Variants in AIMP2 observed in about 807,000 individuals in gnomAD.
AIMP2 encodes the protein aminoacyl tRNA synthase complex-interacting multifunctional protein 2.
In AIMP2, 20 loss-of-function variants were observed where a neutral mutation model predicts 23.4. The ratio of observed to expected loss-of-function variants is 0.85; its 90% CI spans 0.60 to 1.24. The LOEUF (loss-of-function observed/expected upper bound fraction) is 1.24, where lower values mean the gene tolerates loss of function less well. AIMP2 is among the 50% of genes most tolerant of loss of function. The pLI, the probability that AIMP2 is intolerant of heterozygous loss-of-function variation, is 0.00. For missense variants in AIMP2, 515 were observed against 414.5 expected (o/e 1.24, Z -2.10); for synonymous variants, 210 against 170.4 (o/e 1.23, Z -1.81).
At chr7:6,011,991 G>A (rs941300450) in intron 1 of AIMP2, among the ~76,000 whole-genome samples, 2 of 152,158 alleles carry the variant, frequency 1.3e-5, no homozygotes, top group Non-Finnish European at 2.9e-5. Context: ...AGTGGCCCAC[G>A]TCTGTAATCC....
chr7:6,015,773 C>G (rs546302267), intron 2 of AIMP2, among the ~76,000 whole-genome samples: 6 of 152,230 alleles, frequency 3.9e-5, no homozygotes, highest in Non-Finnish European at 8.8e-5. Flanking sequence ...GAGCCAAGAG[C>G]ATGTTCATAT....
rs557391733 is a variant in AIMP2 at position 6,009,876 on chromosome 7, G to T, written c.135+378G>T. On this transcript the variant is annotated intron_variant, in intron 1 of 3. Transcript: ENST00000223029. ...AGGCAGGAGAATCGTTTGAACCCTG[G>T]AGGCGGAGTTTGCAGTGAGCTGAGA... Among the ~76,000 whole-genome samples, 16 of 145,680 alleles carry T rather than the reference G, an allele frequency of 1.1e-4. No homozygotes were observed. The South Asian group carries it at 3.5e-3, about 32-fold the overall frequency.
intron 3 of AIMP2, among the ~76,000 whole-genome samples, chr7:6,019,251 G>T (rs542024788): frequency 6.6e-6 from 1 of 150,950 alleles, no homozygotes; most frequent in Non-Finnish European, 1.5e-5. Flanking sequence ...AGGCCGAGGC[G>T]GGCAGATCAC....
chr7:6,021,338 CAAAAAAAAA>C (rs563523048), intron 3 of AIMP2, among the ~76,000 whole-genome samples: 47 of 65,960 alleles, frequency 7.1e-4, no homozygotes, highest in African/African-American at 2.2e-3. Flanking sequence ...GACTCCATCT[CAAAAAAAAA>C]AAAAAAAAAA....
rs1458102513 is a variant in AIMP2 at position 6,009,327 on chromosome 7, T to A, written c.-37T>A. On this transcript the variant is annotated 5_prime_UTR_variant, in exon 1 of 4. Coordinates refer to ENST00000223029, the MANE Select transcript of AIMP2 (RefSeq NM_006303.4). ...CTCTGACGGTTTCTGAGCGTTGGCC[T>A]TTGGCACGCGCTACCCCCTTTTGCT... The A allele has an allele frequency of 6.2e-7, 1 of 1,611,498 alleles. No individual in the cohort carries two copies. The highest frequency in any genetic ancestry group is 8.5e-7 in the Non-Finnish European group (1 of 1,179,956).
chr7:6,019,817 A>G (rs1787269651), intron 3 of AIMP2, among the ~76,000 whole-genome samples: 1 of 152,038 alleles, frequency 6.6e-6, no homozygotes, highest in Non-Finnish European at 1.5e-5. Context: ...AGGTTAAGAG[A>G]TCAAGATTAT....
rs961881056 is a variant in AIMP2, at chr7:6,015,283, C to T, written c.273C>T (p.Asn91=). 6.2e-7 allele frequency: 1 copy of T among 1,614,088 alleles called. No individual in the cohort carries two copies. Reference sequence around the variant, plus strand: ...CAGATGCAGACTTGGATGTAACCAACATAATCCAAGCGGATGAGCCCACGA... The same window carrying T: ...CAGATGCAGACTTGGATGTAACCAATATAATCCAAGCGGATGAGCCCACGA... ...QTPDADLDVT[N]IIQADEPTTL... is the part of the protein sequence containing the mutation. The change falls in exon 2 of 4, where the codon AAC becomes AAT. Residue 91 remains asparagine, a synonymous_variant. Transcript: ENST00000223029.
chr7:6,015,647 C>T (rs1005855975), intron 2 of AIMP2, among the ~76,000 whole-genome samples: 2 of 152,226 alleles, frequency 1.3e-5, no homozygotes, highest in Non-Finnish European at 2.9e-5. Flanking sequence ...TGGCATGAAC[C>T]CGGGCAGCAG....
At chr7:6,017,702 A>G in intron 2 of AIMP2, 112 bp from the exon 3 acceptor site, 1 of 885,702 alleles carries the variant, frequency 1.1e-6, no homozygotes, top group Non-Finnish European at 1.7e-6. Flanking sequence ...TGCCGTCTTC[A>G]TGGAAGTGGC....
Position 6,023,404 on chromosome 7 carries a change from A to C in AIMP2, c.676A>C (p.Asn226His), listed in dbSNP as rs1160411494. The C allele has an allele frequency of 6.2e-7, 1 of 1,614,126 alleles. No individual in the cohort carries two copies. The highest frequency in any genetic ancestry group is 2.2e-5 in the East Asian group (1 of 44,900). The change falls in exon 4 of 4, where the codon AAT (asparagine) becomes CAT (histidine). Residue 226 changes from asparagine (N) to histidine (H), a missense_variant. Coordinates refer to ENST00000223029, the MANE Select transcript of AIMP2 (RefSeq NM_006303.4). ...FLFSLFGQKH[N>H]AVNATLIDSW... ...GTTCTCTCTGTTTGGCCAGAAGCAT[A>C]ATGCTGTCAACGCAACCCTTATAGA... is the stretch of plus-strand genomic sequence containing the variant.
Position 6,018,968 on chromosome 7 carries a change from T to TACACACACACACACACACACACAC in AIMP2, c.574+946_574+947insCACACACACACACACACACACACA, listed in dbSNP as rs59354100. Among the ~76,000 whole-genome samples, 331 of 150,652 alleles carry TACACACACACACACACACACACAC rather than the reference T, an allele frequency of 2.2e-3. 2 individuals carry two copies. Among genetic ancestry groups the TACACACACACACACACACACACAC allele is most frequent in the Middle Eastern group, 0.01 (3 of 294 alleles). ...TAAAAAGTTAAAATGTATCAAACCT[T>TACACACACACACACACACACACAC]ACACACACACACACACACACACAAT... On this transcript the variant is annotated intron_variant, in intron 3 of 3. Coordinates refer to ENST00000223029, the MANE Select transcript of AIMP2 (RefSeq NM_006303.4).
rs767955463 is a variant in AIMP2 at position 6,017,899 on chromosome 7, G to C, written c.428G>C (p.Cys143Ser). Reference sequence around the variant, plus strand: ...CTGCTTGTGCTGCACAGGCTGCTCTGTGAGCACTTCAGGGTCCTGTCCACG... The same window carrying C: ...CTGCTTGTGCTGCACAGGCTGCTCTCTGAGCACTTCAGGGTCCTGTCCACG... The part of the protein sequence containing the change: ...LSLLVLHRLL[C>S]EHFRVLSTVH... Residue 143 changes from cysteine to serine, a missense_variant, in exon 3 of 4, where the codon TGT becomes TCT. Coordinates refer to ENST00000223029, the MANE Select transcript of AIMP2 (RefSeq NM_006303.4). 14 of 1,613,988 alleles carry C rather than the reference G, an allele frequency of 8.7e-6. No homozygotes were observed. In the South Asian group the frequency reaches 1.5e-4, roughly 18 times the overall value.
chr7:6,015,738 A>G (rs762854889), intron 2 of AIMP2, among the ~76,000 whole-genome samples: 1 of 152,186 alleles, frequency 6.6e-6, no homozygotes, highest in Admixed American at 6.5e-5. Flanking sequence ...CAAAAACAAA[A>G]CTAGCTTTCT....
chr7:6,013,048 C>T (rs2128876961), intron 1 of AIMP2: 2 of 846,142 alleles, frequency 2.4e-6, no homozygotes, highest in Non-Finnish European at 1.4e-6. Flanking sequence ...GGGAACAGCA[C>T]ATGTGAAGAT....
rs201388339 is a variant in AIMP2 at position 6,023,610 on chromosome 7, A to C, written c.882A>C (p.Thr294=). 8 of 1,614,192 alleles carry C rather than the reference A, an allele frequency of 5.0e-6. No homozygotes were observed. Among genetic ancestry groups the C allele is most frequent in the Non-Finnish European group, 6.8e-6 (8 of 1,180,026 alleles). ...VLQQIGGCSV[T]VPANVQRWMR... ...AGCAGATCGGAGGCTGCAGTGTGACAGTGCCAGCCAATGTGCAGAGGTGGA... is the reference window on the plus strand; with the variant it reads ...AGCAGATCGGAGGCTGCAGTGTGACCGTGCCAGCCAATGTGCAGAGGTGGA... The change falls in exon 4 of 4, where the codon ACA becomes ACC. Residue 294 remains threonine (T), a synonymous_variant. Coordinates refer to ENST00000223029, the MANE Select transcript of AIMP2 (RefSeq NM_006303.4).
In AIMP2 at chr7:6,023,652, C is replaced by T. The variant is rs4560; in HGVS notation, c.924C>T (p.Asn308=). ...NVQRWMRSCE[N]LAPFNTALKL... is the part of the protein sequence containing the mutation. ...AGAGGTGGATGAGGTCTTGTGAAAA[C>T]CTGGCTCCTTTTAACACGGCCCTCA... The change falls in exon 4 of 4, where the codon AAC becomes AAT. Residue 308 remains asparagine (N), a synonymous_variant. Coordinates refer to ENST00000223029, the MANE Select transcript of AIMP2 (RefSeq NM_006303.4). The T allele has an allele frequency of 0.4, 646,064 of 1,613,692 alleles. 132,474 individuals are homozygous for T. The highest frequency in any genetic ancestry group is 0.47 in the Middle Eastern group (2,822 of 6,062).
chr7:6,016,770 G>A (rs1436980528), intron 2 of AIMP2: 7 of 152,216 alleles, frequency 4.6e-5, no homozygotes, highest in South Asian at 4.1e-4. Flanking sequence ...AGTGGCAGGC[G>A]GGGTACAGAA....
chr7:6,022,934 A>G (rs530570707), intron 3 of AIMP2: 1 of 212,686 alleles, frequency 4.7e-6, no homozygotes, highest in South Asian at 1.1e-4. Context: ...AATTGCCCTC[A>G]GTCTCACAGA....
rs373372974 is a variant in AIMP2, at chr7:6,017,850, A to C, written c.379A>C (p.Asn127His). 8.1e-6 allele frequency: 13 copies of C among 1,613,910 alleles called. No homozygotes were observed. Among genetic ancestry groups the C allele is most frequent in the African/African-American group, 1.3e-5 (1 of 74,904 alleles). ...GCTGAAAGACATCGTGATCAACGCA[A>C]ACCCGGCCTCCCCTCCCCTCTCCCT... ...GALKDIVINA[N>H]PASPPLSLLV... is the part of the protein sequence containing the mutation. The change falls in exon 3 of 4, where the codon AAC becomes CAC. Residue 127 changes from asparagine (N) to histidine (H), a missense_variant. Coordinates refer to ENST00000223029, the MANE Select transcript of AIMP2 (RefSeq NM_006303.4).
Sources: gnomAD v4.1 joint callset for allele counts (sites outside exome capture counted in the v4.1 genomes callset) on GRCh38, gnomAD v4.1.1 for gene constraint, MANE v1.5 for transcripts, NCBI Gene and HGNC (gene_info 2026-07-23, HGNC 2026-07-21) for gene names.